THAP9: variants seen among roughly 807,000 people sequenced by gnomAD.
THAP9 encodes DNA transposase THAP9.
A neutral mutation model predicts 35.7 loss-of-function variants in THAP9; 20 were observed. That is an observed-to-expected ratio of 0.56 (90% confidence interval 0.39 to 0.81). The LOEUF (loss-of-function observed/expected upper bound fraction) is 0.81. Ranked by LOEUF, THAP9 falls within the 40% of genes least tolerant of loss-of-function variation. THAP9 has a pLI of 0.00. For missense variants in THAP9, 870 were observed against 1,047.4 expected (o/e 0.83, Z 2.34); for synonymous variants, 335 against 373.7 (o/e 0.90, Z 1.19).
Position 82,906,470 on chromosome 4 carries a change from G to T in THAP9, c.423G>T (p.Glu141Asp). 1 of 1,613,748 alleles carries T rather than the reference G, an allele frequency of 6.2e-7. No homozygotes were observed. The highest frequency in any genetic ancestry group is 8.5e-7 in the Non-Finnish European group (1 of 1,179,778). Residue 141 changes from glutamate to aspartate, a missense_variant, in exon 3 of 5, where the codon GAG becomes GAT. Glu to Asp is a conservative substitution (Grantham distance 45). Transcript: ENST00000302236. ...CGATAGGTGCAGAGAAACTGGCTGA[G>T]GTGCAACAAATGTTACAAGTGTCCA... is the stretch of plus-strand genomic sequence containing the variant. ...PLTIGAEKLA[E>D]VQQMLQVSKK...
chr4:82,904,058 C>CTTTTTTTTTTT (rs59655406), intron 1 of THAP9, among the ~76,000 whole-genome samples: 2 of 82,210 alleles, frequency 2.4e-5, no homozygotes, highest in African/African-American at 4.7e-5. Flanking sequence ...TAGGCTCCCC[C>CTTTTTTTTTTT]TTTTTTTTTT....
Position 82,918,184 on chromosome 4 carries a change from A to AAAGTTTT in THAP9, c.1972_1973insAAGTTTT (p.Ile658LysfsTer5). The AAAGTTTT allele has an allele frequency of 6.2e-7, 1 of 1,614,212 alleles. No individual in the cohort carries two copies. The highest frequency in any genetic ancestry group is 1.6e-4 in the Middle Eastern group (1 of 6,062). On this transcript the variant is annotated frameshift_variant, in exon 5 of 5. Transcript: ENST00000302236. LOFTEE classifies it low-confidence loss of function (END_TRUNC). ...TGAAGTTTTTCTAAGCAAAGTAAGC[A>AAAGTTTT]TCTTTGACATTTCAATTGCTCGAAG... is the stretch of plus-strand genomic sequence containing the variant.
chr4:82,915,397 C>T (rs1721004686), intron 4 of THAP9, among the ~76,000 whole-genome samples: 1 of 152,056 alleles, frequency 6.6e-6, no homozygotes, highest in South Asian at 2.1e-4. Flanking sequence ...GCTGGGATTA[C>T]AGGTGCGCGC....
In THAP9 at chr4:82,917,697, C is replaced by T; in HGVS notation, c.1485C>T (p.Ser495=). The T allele has an allele frequency of 6.2e-7, 1 of 1,613,112 alleles. No homozygotes were observed. The highest frequency in any genetic ancestry group is 8.5e-7 in the Non-Finnish European group (1 of 1,179,516). The change falls in exon 5 of 5, where the codon TCC becomes TCT. Residue 495 remains serine (S), a synonymous_variant. Transcript: ENST00000302236. ...SVASALEYLL[S]LDLPPFQNCI... is the part of the protein sequence containing the mutation. ...CCAGTGCATTAGAATATTTGTTATC[C>T]TTAGACCTGCCACCTTTTCAAAACT... is the stretch of plus-strand genomic sequence containing the variant.
chr4:82,916,871 T>C, intron 4 of THAP9, 73 bp from the exon 5 acceptor site: 1 of 1,349,912 alleles, frequency 7.4e-7, no homozygotes, highest in Non-Finnish European at 9.9e-7. Flanking sequence ...ACTACTTTAA[T>C]AGTGCTTAAG....
intron 4 of THAP9, 139 bp downstream of exon 4, chr4:82,908,074 T>C (rs1720726891): frequency 4.9e-6 from 4 of 823,430 alleles, no homozygotes; most frequent in East Asian, 6.4e-5. Flanking sequence ...TTAGTACTCA[T>C]ACTCCCATTT....
intron 1 of THAP9, 73 bp downstream of exon 1, chr4:82,900,955 GGGGCC>G: frequency 6.4e-7 from 1 of 1,561,952 alleles, no homozygotes; most frequent in African/African-American, 1.4e-5. Context: ...GGCGTGGGGC[GGGGCC>G]GGGCCGCACT....
intron 2 of THAP9, 112 bp from the exon 3 acceptor site, chr4:82,906,212 T>A: frequency 1.1e-6 from 1 of 883,136 alleles, no homozygotes; most frequent in Non-Finnish European, 1.7e-6. Flanking sequence ...TTTTCTTTCC[T>A]AACTAACTCT....
chr4:82,918,330 A>G lies in THAP9; in HGVS notation c.2118A>G (p.Leu706=), dbSNP rs753198977. Residue 706 remains leucine (L), a synonymous_variant, in exon 5 of 5, where the codon CTA becomes CTG. Transcript: ENST00000302236. The part of the protein sequence containing the change: ...WSHCSLSEAL[L]DLSDHRRNLI... ...ATTGTTCACTAAGTGAGGCATTACT[A>G]GACCTGTCAGATCATAGGCGAAATC... 3.3e-5 allele frequency: 54 copies of G among 1,614,094 alleles called. No homozygotes were observed. The South Asian group carries it at 5.9e-4, about 18-fold the overall frequency.
chr4:82,911,137 A>G (rs1355007464), intron 4 of THAP9, among the ~76,000 whole-genome samples: 1 of 152,194 alleles, frequency 6.6e-6, no homozygotes, highest in Non-Finnish European at 1.5e-5. Flanking sequence ...TATAAGAGAA[A>G]TGATAATTGC....
intron 4 of THAP9, chr4:82,910,010 A>G (rs1400046809): frequency 6.6e-6 from 1 of 152,094 alleles, no homozygotes; most frequent in Non-Finnish European, 1.5e-5. Context: ...ACTGGTTTTA[A>G]AGCATTACTT....
intron 4 of THAP9, among the ~76,000 whole-genome samples, chr4:82,911,875 A>G (rs917241145): frequency 6.6e-6 from 1 of 152,214 alleles, no homozygotes; most frequent in Admixed American, 6.5e-5. Context: ...TTTGTGGTCA[A>G]AACTGTTGTC....
intron 4 of THAP9, among the ~76,000 whole-genome samples, chr4:82,914,132 T>C (rs1273369721): frequency 6.6e-6 from 1 of 152,256 alleles, no homozygotes; most frequent in Non-Finnish European, 1.5e-5. Flanking sequence ...CCTTCAGCTC[T>C]ATCCATGTTG....
intron 1 of THAP9, 116 bp from the exon 2 acceptor site, chr4:82,904,620 C>T (rs1720567466): frequency 1.1e-6 from 1 of 930,454 alleles, no homozygotes; most frequent in African/African-American, 1.7e-5. Context: ...TTTTAATTCA[C>T]TTGGCTTTAT....
intron 1 of THAP9, among the ~76,000 whole-genome samples, chr4:82,903,858 G>C (rs1171159268): frequency 6.6e-6 from 1 of 152,134 alleles, no homozygotes; most frequent in Non-Finnish European, 1.5e-5. Flanking sequence ...TCACCAACTA[G>C]TTTTCTCCAC....
chr4:82,905,848 C>A (rs1458658974), intron 2 of THAP9: 11 of 455,444 alleles, frequency 2.4e-5, no homozygotes, highest in Admixed American at 1.9e-4. Flanking sequence ...GTATTATTAT[C>A]CACATTTTAC....
chr4:82,911,080 C>T (rs921863387), intron 4 of THAP9, among the ~76,000 whole-genome samples: 2 of 151,896 alleles, frequency 1.3e-5, no homozygotes, highest in Non-Finnish European at 2.9e-5. Flanking sequence ...CCAGCGTGTT[C>T]GCATGTTTAT....
At chr4:82,904,188 C>G (rs966248596) in intron 1 of THAP9, among the ~76,000 whole-genome samples, 8 of 151,906 alleles carry the variant, frequency 5.3e-5, no homozygotes, top group African/African-American at 1.9e-4. Context: ...CTCAGCCTCC[C>G]CAGTAGCTGG....
Position 82,917,934 on chromosome 4 carries a change from C to T in THAP9, c.1722C>T (p.Phe574=). 1 of 1,613,914 alleles carries T rather than the reference C, an allele frequency of 6.2e-7. No individual in the cohort carries two copies. Among genetic ancestry groups the T allele is most frequent in the African/African-American group, 1.3e-5 (1 of 75,030 alleles). ...QIIKGKQKLG[F]LGFLLNAESL... ...TTAAAGGTAAGCAAAAACTAGGATTCCTGGGATTTTTGCTCAATGCTGAGA... is the reference window on the plus strand; with the variant it reads ...TTAAAGGTAAGCAAAAACTAGGATTTCTGGGATTTTTGCTCAATGCTGAGA... The change falls in exon 5 of 5, where the codon TTC becomes TTT. Residue 574 remains phenylalanine (F), a synonymous_variant. Coordinates refer to ENST00000302236, the MANE Select transcript of THAP9 (RefSeq NM_024672.6).
Sources: gnomAD v4.1 joint callset for allele counts (sites outside exome capture counted in the v4.1 genomes callset) on GRCh38, gnomAD v4.1.1 for gene constraint, MANE v1.5 for transcripts, NCBI Gene and HGNC (gene_info 2026-07-23, HGNC 2026-07-21) for gene names.